The following C8orf34 variants were observed in gnomAD, a reference collection of about 807,000 sequenced individuals.
C8orf34 encodes the protein uncharacterized protein C8orf34.
A neutral mutation model predicts 68.3 loss-of-function variants in C8orf34; 65 were observed. That is an observed-to-expected ratio of 0.95 (90% CI 0.78 to 1.17). C8orf34 has a LOEUF of 1.17. Ranked by LOEUF, C8orf34 falls within the 50% of genes most tolerant of loss-of-function variation. The pLI, the probability that C8orf34 is intolerant of heterozygous loss-of-function variation, is 0.00. For missense variants in C8orf34, 664 were observed against 655.4 expected, an observed-to-expected ratio of 1.01 and a Z score of -0.14; for synonymous variants, 244 against 241.2, an observed-to-expected ratio of 1.01 and a Z score of -0.11.
At chr8:68,620,558 C>T (rs561568639) in intron 7 of C8orf34, among the ~76,000 whole-genome samples, 2 of 152,126 alleles carry the variant, frequency 1.3e-5, no homozygotes, top group South Asian at 4.2e-4. Context: ...ATCGCTTCCC[C>T]TTACAGCCAG....
chr8:68,600,049 T>C (rs1817653519), intron 7 of C8orf34, among the ~76,000 whole-genome samples: 1 of 152,070 alleles, frequency 6.6e-6, no homozygotes, highest in South Asian at 2.1e-4. Context: ...TCATCAAAAG[T>C]GCAAAGTATA....
In C8orf34 at chr8:68,354,259, G is replaced by C. The variant is rs541774689; in HGVS notation, c.327+22920G>C. On this transcript the variant is annotated intron_variant, in intron 1 of 13. Transcript: ENST00000518698. ...ATAGTTCAATTCTGTAGAACTCACT[G>C]TTGTAGAAAACTTATACCCAATTTT... 2.6e-5 allele frequency among the ~76,000 whole-genome samples: 4 copies of C among 152,264 alleles called. No homozygotes were observed. The East Asian group carries it at 7.7e-4, about 29-fold the overall frequency.
At chr8:68,769,085 A>G (rs1245583847) in intron 10 of C8orf34, among the ~76,000 whole-genome samples, 1 of 152,004 alleles carries the variant, frequency 6.6e-6, no homozygotes, top group Non-Finnish European at 1.5e-5. Context: ...AGTCATTTTG[A>G]TTCATTATTG....
chr8:68,350,578 A>G lies in C8orf34; in HGVS notation c.327+19239A>G, dbSNP rs142998874. 8.5e-3 allele frequency among the ~76,000 whole-genome samples: 1,298 copies of G among 152,124 alleles called. 14 individuals are homozygous for G. Among genetic ancestry groups the G allele is most frequent in the Admixed American group, 0.02 (306 of 15,256 alleles). On this transcript the variant is annotated intron_variant, in intron 1 of 13. Transcript: ENST00000518698. ...TGTGTGGGAGCCTATGTCTCCTTGT[A>G]GGTCTCTAAGAACTTGCTTTATGAA...
At chr8:68,762,978 A>C (rs1734892291) in intron 10 of C8orf34, among the ~76,000 whole-genome samples, 1 of 152,160 alleles carries the variant, frequency 6.6e-6, no homozygotes, top group Non-Finnish European at 1.5e-5. Context: ...AAGCATTGGA[A>C]TTGTGGTTCA....
At chr8:68,493,170 A>G (rs1275151084) in intron 5 of C8orf34, among the ~76,000 whole-genome samples, 1 of 152,220 alleles carries the variant, frequency 6.6e-6, no homozygotes, top group Non-Finnish European at 1.5e-5. Flanking sequence ...AGGCATTGAT[A>G]CCCTCAAAAT....
intron 7 of C8orf34, among the ~76,000 whole-genome samples, chr8:68,609,537 T>C (rs1478219685): frequency 6.6e-6 from 1 of 152,130 alleles, no homozygotes; most frequent in East Asian, 1.9e-4. Context: ...TAAGAGAAGT[T>C]GGTAATCATT....
chr8:68,345,682 C>T (rs1000026863), intron 1 of C8orf34, among the ~76,000 whole-genome samples: 3 of 151,778 alleles, frequency 2.0e-5, no homozygotes, highest in Non-Finnish European at 2.9e-5. Flanking sequence ...CTTGATTATA[C>T]ATACATACAT....
At chr8:68,721,482 T>C (rs756266447) in intron 10 of C8orf34, 45 bp downstream of exon 10, 14 of 1,197,782 alleles carry the variant, frequency 1.2e-5, no homozygotes, top group South Asian at 1.3e-5. Context: ...CTAAAACTAA[T>C]TTAAATTACT....
intron 8 of C8orf34, among the ~76,000 whole-genome samples, chr8:68,649,454 C>T (rs375007599): frequency 2.6e-5 from 4 of 152,124 alleles, no homozygotes; most frequent in Non-Finnish European, 4.4e-5. Flanking sequence ...AGAATGGCTA[C>T]GTCATCCCAG....
intron 9 of C8orf34, among the ~76,000 whole-genome samples, chr8:68,716,565 C>A (rs897701089): frequency 6.6e-6 from 1 of 151,982 alleles, no homozygotes; most frequent in African/African-American, 2.4e-5. Flanking sequence ...CAGGGAAAAG[C>A]AAATTAAGAC....
At chr8:68,465,806 TG>T (rs1812097154) in intron 3 of C8orf34, among the ~76,000 whole-genome samples, 1 of 107,896 alleles carries the variant, frequency 9.3e-6, no homozygotes, top group South Asian at 2.8e-4. Context: ...TGTTGTGGGG[TG>T]GGGGCAGGGG....
chr8:68,697,865 C>T (rs1249090827), intron 8 of C8orf34, among the ~76,000 whole-genome samples: 1 of 152,012 alleles, frequency 6.6e-6, no homozygotes, highest in Non-Finnish European at 1.5e-5. Flanking sequence ...TTATAAAATT[C>T]CCCCTCGGGG....
intron 1 of C8orf34, among the ~76,000 whole-genome samples, chr8:68,332,291 G>C (rs559208043): frequency 1.4e-4 from 21 of 149,996 alleles, no homozygotes; most frequent in African/African-American, 4.4e-4. Flanking sequence ...GACTCCCTTG[G>C]TCCCATCCAG....
chr8:68,721,516 T>A, intron 10 of C8orf34, 79 bp downstream of exon 10: 1 of 960,486 alleles, frequency 1.0e-6, no homozygotes, highest in Non-Finnish European at 1.6e-6. Flanking sequence ...AAATAAAATA[T>A]AATAAAGCCA....
At chr8:68,421,711 T>A (rs1197104359) in intron 1 of C8orf34, among the ~76,000 whole-genome samples, 2 of 152,214 alleles carry the variant, frequency 1.3e-5, no homozygotes, top group Non-Finnish European at 2.9e-5. Context: ...CAGCAGGAAG[T>A]CATCTGTCTG....
At chr8:68,456,268 A>T (rs1018411864) in intron 3 of C8orf34, among the ~76,000 whole-genome samples, 28 of 151,578 alleles carry the variant, frequency 1.8e-4, no homozygotes, top group Non-Finnish European at 3.1e-4. Flanking sequence ...AAAAAAAAAA[A>T]TTTTCTGTCT....
chr8:68,634,202 T>C (rs1156560998), intron 7 of C8orf34, among the ~76,000 whole-genome samples: 2 of 152,222 alleles, frequency 1.3e-5, no homozygotes, highest in Non-Finnish European at 2.9e-5. Context: ...ATGTTGCTTT[T>C]CTTGTGGCAT....
In C8orf34 at chr8:68,533,096, C is replaced by G. The variant is rs774617447; in HGVS notation, c.1052C>G (p.Pro351Arg). The change falls in exon 7 of 14, where the codon CCA becomes CGA. Residue 351 changes from proline (P) to arginine (R), a missense_variant. By Grantham distance (103) the Pro-to-Arg change is moderately radical. Transcript: ENST00000518698. ...DSFESIHSPT[P>R]SVTEEDIDNE... ...TTTGAGTCCATCCACAGCCCTACCC[C>G]ATCTGTAACAGAAGAAGATATTGAT... is the stretch of plus-strand genomic sequence containing the variant. 7.5e-6 allele frequency: 12 copies of G among 1,610,566 alleles called. No individual in the cohort carries two copies. The South Asian group carries it at 1.3e-4, about 18-fold the overall frequency.
Sources: allele counts gnomAD v4.1 joint callset (sites outside exome capture counted in the v4.1 genomes callset), GRCh38; gene constraint gnomAD v4.1.1; transcripts MANE v1.5; gene names NCBI Gene and HGNC (gene_info 2026-07-23, HGNC 2026-07-21).